The following COL22A1 variants were observed in gnomAD, a reference collection of about 807,000 sequenced individuals.
The protein encoded by COL22A1 is collagen type XXII alpha 1 chain.
COL22A1 carries 221 observed loss-of-function variants against 248.9 expected under a neutral mutation model. That is an observed-to-expected ratio of 0.89 (90% CI 0.80 to 0.99). COL22A1 has a LOEUF of 0.99. Ranked by LOEUF, COL22A1 falls within the 50% of genes least tolerant of loss-of-function variation. COL22A1 has a pLI of 0.00. For synonymous variants in COL22A1, 891 were observed against 793.4 expected (o/e 1.12, Z -2.07); for missense variants, 2,240 against 2,179.0 (o/e 1.03, Z -0.56).
intron 43 of COL22A1, 76 bp from the exon 44 acceptor site, chr8:138,660,556 A>C: frequency 7.7e-7 from 1 of 1,298,310 alleles, no homozygotes; most frequent in South Asian, 1.2e-5. Flanking sequence ...ACCCTCTGCC[A>C]ATCTCTCTAT....
chr8:138,861,655 A>G (rs1477726246), intron 3 of COL22A1, among the ~76,000 whole-genome samples: 1 of 152,164 alleles, frequency 6.6e-6, no homozygotes, highest in Admixed American at 6.5e-5. Flanking sequence ...AAACCCTGCC[A>G]CAGGCACCTC....
intron 36 of COL22A1, 62 bp downstream of exon 36, chr8:138,690,759 G>T: frequency 1.5e-6 from 2 of 1,373,688 alleles, no homozygotes; most frequent in Non-Finnish European, 2.0e-6. Flanking sequence ...CTGGCTTTTG[G>T]GGAGGATACA....
intron 1 of COL22A1, among the ~76,000 whole-genome samples, chr8:138,903,510 A>G (rs1814773814): frequency 6.6e-6 from 1 of 152,106 alleles, no homozygotes; most frequent in Non-Finnish European, 1.5e-5. Flanking sequence ...AAAAGCGGGC[A>G]CCTCAACCTG....
Position 138,663,732 on chromosome 8 carries a change from G to A in COL22A1, c.3159C>T (p.Ser1053=), listed in dbSNP as rs374029718. The change falls in exon 42 of 65, where the codon TCC becomes TCT. Residue 1053 remains serine, a synonymous_variant. Transcript: ENST00000303045. The part of the protein sequence containing the change: ...GIGVAGPPGP[S]GPPGDKGSPG... ...GGGATCCTTTGTCTCCTGGTGGTCC[G>A]GAAGGGCCCTAGAAACAAACAAACA... 1.0e-4 allele frequency: 163 copies of A among 1,610,624 alleles called. No homozygotes were observed. Among genetic ancestry groups the A allele is most frequent in the Middle Eastern group, 8.3e-4 (5 of 6,054 alleles).
At chr8:138,738,407 C>G (rs1831291796) in intron 22 of COL22A1, among the ~76,000 whole-genome samples, 1 of 152,080 alleles carries the variant, frequency 6.6e-6, no homozygotes, top group African/African-American at 2.4e-5. Context: ...GAATACAGCC[C>G]TTTTTGGCAT....
chr8:138,615,919 G>T, intron 55 of COL22A1, 82 bp downstream of exon 55: 1 of 997,140 alleles, frequency 1.0e-6, no homozygotes, highest in Non-Finnish European at 1.6e-6. Flanking sequence ...ACCAGCCATT[G>T]TGGGGCAGTT....
At chr8:138,686,605 T>C (rs1002999905) in intron 37 of COL22A1, among the ~76,000 whole-genome samples, 7 of 152,198 alleles carry the variant, frequency 4.6e-5, no homozygotes, top group African/African-American at 9.6e-5. Flanking sequence ...TTTTACCACT[T>C]TGCAGAGCCC....
At chr8:138,752,424 CA>C (rs1832678782) in intron 21 of COL22A1, among the ~76,000 whole-genome samples, 1 of 152,230 alleles carries the variant, frequency 6.6e-6, no homozygotes, top group Admixed American at 6.5e-5. Flanking sequence ...GCATTTACAT[CA>C]AAGGTCCTTT....
In COL22A1 at chr8:138,821,357, C is replaced by A. The variant is rs1245913561; in HGVS notation, c.1024G>T (p.Ala342Ser). The A allele has an allele frequency of 5.0e-6, 8 of 1,614,038 alleles. No individual in the cohort carries two copies. The East Asian group carries it at 1.1e-4, about 22-fold the overall frequency. ...ACCACCCTGACAGCATCTTTCATGG[C>A]ACCCACAGCGTTGTACTCGACTGCC... is the stretch of plus-strand genomic sequence containing the variant. ...NKAVEYNAVG[A>S]MKDAVRVVFR... is the part of the protein sequence containing the mutation. Residue 342 changes from alanine to serine, a missense_variant, in exon 7 of 65, where the codon GCC (alanine) becomes TCC (serine). By Grantham distance (99) the Ala-to-Ser change is moderately conservative. Transcript: ENST00000303045.
chr8:138,875,347 G>C (rs976163692), intron 3 of COL22A1, among the ~76,000 whole-genome samples: 1 of 152,126 alleles, frequency 6.6e-6, no homozygotes, highest in Non-Finnish European at 1.5e-5. Flanking sequence ...CTCTGGGGTT[G>C]TCTTTGCCAT....
At position 138,606,428 on chromosome 8, in the gene COL22A1, T is replaced by G. The variant is rs760395794; in HGVS notation, c.4057A>C (p.Asn1353His). 3 of 1,613,648 alleles carry G rather than the reference T, an allele frequency of 1.9e-6. No homozygotes were observed. The highest frequency in any genetic ancestry group is 2.7e-5 in the African/African-American group (2 of 74,914). ...AAGCCAGGAAGTCCTGGGCTGCCAT[T>G]TTCCCCTTTGCTTCCTTTCTGGCCC... ...TPGQKGSKGE[N>H]GSPGLPGFLG... The change falls in exon 58 of 65, where the codon AAT (asparagine) becomes CAT (histidine). Residue 1353 changes from asparagine to histidine, a missense_variant. Transcript: ENST00000303045.
At chr8:138,702,731 C>G (rs182181072) in intron 31 of COL22A1, among the ~76,000 whole-genome samples, 13 of 152,220 alleles carry the variant, frequency 8.5e-5, no homozygotes, top group Non-Finnish European at 1.8e-4. Flanking sequence ...AGAAACTCTG[C>G]CAAATATTTT....
At chr8:138,794,609 G>A (rs533250184) in intron 12 of COL22A1, among the ~76,000 whole-genome samples, 5 of 152,254 alleles carry the variant, frequency 3.3e-5, no homozygotes, top group South Asian at 2.1e-4. Flanking sequence ...TGATAGCCAC[G>A]ATATGGAAAC....
chr8:138,594,908 C>G (rs534507607), intron 62 of COL22A1, among the ~76,000 whole-genome samples: 53 of 152,244 alleles, frequency 3.5e-4, no homozygotes, highest in African/African-American at 1.3e-3. Context: ...ACTGGAGATC[C>G]TATACATCTA....
At chr8:138,666,648 G>A (rs1220375809) in intron 41 of COL22A1, among the ~76,000 whole-genome samples, 1 of 152,192 alleles carries the variant, frequency 6.6e-6, no homozygotes, top group African/African-American at 2.4e-5. Flanking sequence ...GTAGTTCCCA[G>A]GGAGGATGGA....
At chr8:138,684,368 C>T (rs555321880) in intron 39 of COL22A1, 57 bp downstream of exon 39, 24 of 1,133,906 alleles carry the variant, frequency 2.1e-5, no homozygotes, top group Middle Eastern at 2.0e-4. Context: ...AATTTTTCCA[C>T]GTTCTCTTTC....
chr8:138,719,416 G>T (rs1232132940), intron 27 of COL22A1, among the ~76,000 whole-genome samples: 2 of 152,184 alleles, frequency 1.3e-5, no homozygotes, highest in African/African-American at 2.4e-5. Flanking sequence ...ATTCATGGGG[G>T]CCATGAGGGC....
At chr8:138,595,026 A>G (rs978241443) in intron 62 of COL22A1, among the ~76,000 whole-genome samples, 1 of 152,172 alleles carries the variant, frequency 6.6e-6, no homozygotes, top group African/African-American at 2.4e-5. Flanking sequence ...CACCAAGGGC[A>G]GTCTTTGTTA....
intron 4 of COL22A1, among the ~76,000 whole-genome samples, chr8:138,837,606 G>C (rs1482888873): frequency 6.6e-6 from 1 of 152,114 alleles, no homozygotes; most frequent in East Asian, 1.9e-4. Flanking sequence ...TACAACAAGG[G>C]GCCTTTGACA....
Sources: gnomAD v4.1 joint callset for allele counts (sites outside exome capture counted in the v4.1 genomes callset) on GRCh38, gnomAD v4.1.1 for gene constraint, MANE v1.5 for transcripts, NCBI Gene and HGNC (gene_info 2026-07-23, HGNC 2026-07-21) for gene names.